TNFRSF8: variants seen among roughly 807,000 people sequenced by gnomAD.
TNFRSF8 encodes TNF receptor superfamily member 8.
TNFRSF8 carries 26 observed loss-of-function variants against 70.8 expected under a neutral mutation model. The observed-to-expected ratio is 0.37, with a 90% CI of 0.27 to 0.51. TNFRSF8 has a LOEUF of 0.51. Among genes scored for constraint, TNFRSF8 ranks in the 20% least tolerant of loss-of-function variants. The pLI is 0.94. For synonymous variants in TNFRSF8, 356 were observed against 339.2 expected (o/e 1.05, Z -0.54); for missense variants, 720 against 807.9 (o/e 0.89, Z 1.32).
chr1:12,101,102 T>G (rs2100990837), intron 3 of TNFRSF8, among the ~76,000 whole-genome samples: 1 of 152,298 alleles, frequency 6.6e-6, no homozygotes, highest in Non-Finnish European at 1.5e-5. Flanking sequence ...TACAGTTAAC[T>G]TTTGTTTTAA....
intron 3 of TNFRSF8, among the ~76,000 whole-genome samples, chr1:12,101,096 G>T (rs1472387958): frequency 6.6e-6 from 1 of 152,166 alleles, no homozygotes; most frequent in Non-Finnish European, 1.5e-5. Context: ...CTGTATTACA[G>T]TTAACTTTTG....
chr1:12,097,632 G>T (rs1205293041), intron 3 of TNFRSF8, among the ~76,000 whole-genome samples: 2 of 152,082 alleles, frequency 1.3e-5, no homozygotes, highest in East Asian at 3.8e-4. Flanking sequence ...CTTTTCCTAA[G>T]ATCACAGGAC....
At chr1:12,126,365 C>A (rs1214112838) in intron 12 of TNFRSF8, 129 bp downstream of exon 12, 4 of 1,065,104 alleles carry the variant, frequency 3.8e-6, no homozygotes, top group African/African-American at 3.1e-5. Context: ...TGGCTCCTGT[C>A]GCATTCTGTA....
At chr1:12,107,669 C>T (rs1206833928) in intron 4 of TNFRSF8, among the ~76,000 whole-genome samples, 1 of 151,306 alleles carries the variant, frequency 6.6e-6, no homozygotes, top group Admixed American at 6.6e-5. Context: ...TTGGACAGCA[C>T]TGTTTTAGAA....
chr1:12,065,334 C>T (rs550365578), intron 1 of TNFRSF8, among the ~76,000 whole-genome samples: 4 of 152,258 alleles, frequency 2.6e-5, no homozygotes, highest in South Asian at 2.1e-4. Context: ...CCTTCCGTCT[C>T]GGCCTCCCAA....
chr1:12,074,550 G>T (rs1162872444), intron 1 of TNFRSF8, among the ~76,000 whole-genome samples: 2 of 152,142 alleles, frequency 1.3e-5, no homozygotes, highest in African/African-American at 4.8e-5. Flanking sequence ...AAAGTGCTGG[G>T]ATTACAGGCA....
chr1:12,134,944 C>A (rs1260706746), intron 12 of TNFRSF8, among the ~76,000 whole-genome samples: 1 of 152,024 alleles, frequency 6.6e-6, no homozygotes, highest in Non-Finnish European at 1.5e-5. Context: ...CTGTGCTTCT[C>A]GTGAACCAAT....
chr1:12,140,299 C>T (rs990561861), intron 14 of TNFRSF8, among the ~76,000 whole-genome samples: 1 of 152,186 alleles, frequency 6.6e-6, no homozygotes, highest in Non-Finnish European at 1.5e-5. Flanking sequence ...CAGGCAACCC[C>T]CTTGTCCTCC....
chr1:12,093,924 A>T (rs1309129507), intron 2 of TNFRSF8, among the ~76,000 whole-genome samples: 1 of 152,060 alleles, frequency 6.6e-6, no homozygotes, highest in Non-Finnish European at 1.5e-5. Flanking sequence ...ACAAACAATT[A>T]ACCGGTCATG....
intron 1 of TNFRSF8, among the ~76,000 whole-genome samples, chr1:12,073,919 C>T (rs747760293): frequency 7.9e-5 from 12 of 151,772 alleles, no homozygotes; most frequent in Admixed American, 3.9e-4. Flanking sequence ...TTTGTAGCTG[C>T]CATTGTCCCG....
intron 1 of TNFRSF8, among the ~76,000 whole-genome samples, chr1:12,067,520 C>T (rs1640762877): frequency 6.6e-6 from 1 of 152,114 alleles, no homozygotes; most frequent in Admixed American, 6.6e-5. Context: ...GAGACCCTGT[C>T]TCTACTAAAA....
At chr1:12,116,171 C>T (rs1044418903) in intron 8 of TNFRSF8, among the ~76,000 whole-genome samples, 4 of 151,890 alleles carry the variant, frequency 2.6e-5, no homozygotes, top group African/African-American at 4.8e-5. Flanking sequence ...AGAAGAGATG[C>T]GGTTTCTCCA....
Position 12,125,982 on chromosome 1 carries a change from G to C in TNFRSF8, c.1185G>C (p.Leu395Phe). ...GPVLFWVILVLVVVVGSSAFL... is the reference protein window; with the variant it reads ...GPVLFWVILVFVVVVGSSAFL... Reference sequence around the variant, plus strand: ...TGCTCTTCTGGGTGATCCTGGTGTTGGTTGTGGTGGTCGGCTCCAGCGCCT... The same window carrying C: ...TGCTCTTCTGGGTGATCCTGGTGTTCGTTGTGGTGGTCGGCTCCAGCGCCT... Residue 395 changes from leucine (L) to phenylalanine (F), a missense_variant, in exon 11 of 15, where the codon TTG (leucine) becomes TTC (phenylalanine). Leu to Phe is a conservative substitution (Grantham distance 22, BLOSUM62 0). Coordinates refer to ENST00000263932, the MANE Select transcript of TNFRSF8 (RefSeq NM_001243.5). The C allele has an allele frequency of 6.2e-7, 1 of 1,614,222 alleles. No individual in the cohort carries two copies. The highest frequency in any genetic ancestry group is 8.5e-7 in the Non-Finnish European group (1 of 1,180,034).
intron 1 of TNFRSF8, among the ~76,000 whole-genome samples, chr1:12,083,886 A>T (rs750984755): frequency 6.6e-6 from 1 of 152,234 alleles, no homozygotes. Context: ...ATCCAAAAGC[A>T]GTCAACACTA....
intron 1 of TNFRSF8, among the ~76,000 whole-genome samples, chr1:12,065,274 G>A (rs755098660): frequency 6.6e-6 from 1 of 151,618 alleles, no homozygotes; most frequent in African/African-American, 2.4e-5. Flanking sequence ...GTAAAGATGA[G>A]GTTTCACCAT....
At chr1:12,103,953 T>G (rs1295118710) in intron 3 of TNFRSF8, among the ~76,000 whole-genome samples, 1 of 152,240 alleles carries the variant, frequency 6.6e-6, no homozygotes, top group Non-Finnish European at 1.5e-5. Context: ...GATGACCACG[T>G]GCCCACCATC....
chr1:12,119,012 G>A lies in TNFRSF8; in HGVS notation c.946+3283G>A, dbSNP rs185182076. On this transcript the variant is annotated intron_variant, in intron 8 of 14. Coordinates refer to ENST00000263932, the MANE Select transcript of TNFRSF8 (RefSeq NM_001243.5). This position sits in a 1 kb window ranked among gnomAD's most constrained non-coding sequence, Gnocchi z 4.4. ...CCTGAGTAGCTGGGATTACAGGCAC[G>A]CGCCACCACGCCTGGCTAATTTTTG... Among the ~76,000 whole-genome samples the A allele has an allele frequency of 6.6e-6, 1 of 152,164 alleles. No homozygotes were observed. Among genetic ancestry groups the A allele is most frequent in the East Asian group, 1.9e-4 (1 of 5,178 alleles).
At chr1:12,114,537 G>C (rs1331632050) in intron 7 of TNFRSF8, among the ~76,000 whole-genome samples, 1 of 152,024 alleles carries the variant, frequency 6.6e-6, no homozygotes, top group Non-Finnish European at 1.5e-5. Flanking sequence ...CCCTCGCGGA[G>C]AGGTCCCATT....
chr1:12,113,743 CAG>C lies in TNFRSF8; in HGVS notation c.793+1733_793+1734del, dbSNP rs760425790. On this transcript the variant is annotated intron_variant, in intron 7 of 14. Transcript: ENST00000263932. This position sits in a 1 kb window ranked among gnomAD's most constrained non-coding sequence, Gnocchi z 4.9. ...AGATAGAGTGTGACAGAGAGAAAGA[CAG>C]AGAAAGAGAGAGAGAGAGACAGAAA... Among the ~76,000 whole-genome samples the C allele has an allele frequency of 1.3e-4, 19 of 149,578 alleles. No homozygotes were observed. Among genetic ancestry groups the C allele is most frequent in the Non-Finnish European group, 2.1e-4 (14 of 67,324 alleles).
Sources: allele counts gnomAD v4.1 joint callset (sites outside exome capture counted in the v4.1 genomes callset), GRCh38; gene constraint gnomAD v4.1.1; non-coding constraint Gnocchi (gnomAD v3.1); transcripts MANE v1.5; gene names NCBI Gene and HGNC (gene_info 2026-07-23, HGNC 2026-07-21).